Variants in ODAD2 observed in about 807,000 individuals in gnomAD.
ODAD2 encodes the protein outer dynein arm docking complex subunit 2.
A neutral mutation model predicts 106.8 loss-of-function variants in ODAD2; 89 were observed. The ratio of observed to expected loss-of-function variants is 0.83; its 90% CI spans 0.70 to 0.99. ODAD2 has a LOEUF of 0.99. Among genes scored for constraint, ODAD2 ranks in the 50% least tolerant of loss-of-function variants. The pLI is 0.00. For missense variants in ODAD2, 1,168 were observed against 1,238.5 expected, an observed-to-expected ratio of 0.94 and a Z score of 0.85; for synonymous variants, 404 against 436.2, an observed-to-expected ratio of 0.93 and a Z score of 0.92.
At position 27,958,260 on chromosome 10, in the gene ODAD2, T is replaced by C. The variant is rs566645792; in HGVS notation, c.1386+3308A>G. 3.9e-5 allele frequency among the ~76,000 whole-genome samples: 6 copies of C among 152,360 alleles called. No homozygotes were observed. The South Asian group carries it at 1.2e-3, about 32-fold the overall frequency. ...TTCATCAATATATGTTTTCTTTAGC[T>C]GTACTGGGACAGAAATAGTGCATCT... On this transcript the variant is annotated intron_variant, in intron 10 of 19. Coordinates refer to ENST00000305242, the MANE Select transcript of ODAD2 (RefSeq NM_018076.5).
At chr10:27,919,274 T>C (rs1468078065) in intron 16 of ODAD2, among the ~76,000 whole-genome samples, 1 of 152,032 alleles carries the variant, frequency 6.6e-6, no homozygotes, top group Admixed American at 6.6e-5. Context: ...TTTCATGCCA[T>C]ACTTAAAAAC....
intron 19 of ODAD2, among the ~76,000 whole-genome samples, chr10:27,858,245 G>C (rs1839795177): frequency 6.6e-6 from 1 of 152,040 alleles, no homozygotes; most frequent in Non-Finnish European, 1.5e-5. Flanking sequence ...CCAGAGAAAG[G>C]AAACACAGGT....
At chr10:27,992,642 T>A (rs143073128) in intron 2 of ODAD2, among the ~76,000 whole-genome samples, 15 of 152,228 alleles carry the variant, frequency 9.9e-5, no homozygotes, top group African/African-American at 2.9e-4. Flanking sequence ...TGAGCTATGA[T>A]CACTCCACTG....
intron 9 of ODAD2, among the ~76,000 whole-genome samples, chr10:27,961,982 A>G (rs1588618325): frequency 6.6e-6 from 1 of 152,164 alleles, no homozygotes; most frequent in African/African-American, 2.4e-5. Flanking sequence ...CAGGAGGATC[A>G]CTTCAGCCCA....
chr10:27,871,272 T>C (rs1840861532), intron 17 of ODAD2, among the ~76,000 whole-genome samples: 1 of 152,186 alleles, frequency 6.6e-6, no homozygotes, highest in Non-Finnish European at 1.5e-5. Context: ...GTCAGATGAG[T>C]AGATTGCAAA....
intron 19 of ODAD2, among the ~76,000 whole-genome samples, chr10:27,828,074 T>C (rs1837206525): frequency 6.6e-6 from 1 of 152,118 alleles, no homozygotes; most frequent in Admixed American, 6.6e-5. Flanking sequence ...GATGTCAATA[T>C]TATAGTATGC....
intron 19 of ODAD2, among the ~76,000 whole-genome samples, chr10:27,838,151 T>A (rs920621541): frequency 1.3e-5 from 2 of 152,210 alleles, no homozygotes. Flanking sequence ...TCAAGCACTG[T>A]TTACTTTTTG....
chr10:27,832,599 G>A (rs1837571160), intron 19 of ODAD2, among the ~76,000 whole-genome samples: 1 of 152,088 alleles, frequency 6.6e-6, no homozygotes, highest in South Asian at 2.1e-4. Context: ...AAAACATCCT[G>A]GAAATCTACA....
Position 27,849,709 on chromosome 10 carries a change from T to C in ODAD2, c.3021+10916A>G, listed in dbSNP as rs534147118. ...GAGAATTCTTAATTCCTACTGAAGA[T>C]AATCTGATTTTGCAAACTTCTCTAT... On this transcript the variant is annotated intron_variant, in intron 19 of 19. Coordinates refer to ENST00000305242, the MANE Select transcript of ODAD2 (RefSeq NM_018076.5). Among the ~76,000 whole-genome samples, 161 of 152,308 alleles carry C rather than the reference T, an allele frequency of 1.1e-3. 1 individual carries two copies. The highest frequency in any genetic ancestry group is 3.6e-3 in the African/African-American group (150 of 41,580).
chr10:27,906,840 ACAT>A (rs1469133808), intron 17 of ODAD2, among the ~76,000 whole-genome samples: 1 of 152,148 alleles, frequency 6.6e-6, no homozygotes. Flanking sequence ...AGGGAGGGGA[ACAT>A]CACACATCGG....
chr10:27,812,675 T>C (rs1367570469), intron 19 of ODAD2, 50 bp from the exon 20 acceptor site: 4 of 1,517,298 alleles, frequency 2.6e-6, no homozygotes, highest in South Asian at 2.6e-5. Flanking sequence ...AAAACATTAA[T>C]CTAAAGACAT....
At chr10:27,973,720 T>C (rs1849008978) in intron 7 of ODAD2, among the ~76,000 whole-genome samples, 1 of 152,238 alleles carries the variant, frequency 6.6e-6, no homozygotes, top group African/African-American at 2.4e-5. Context: ...ATGTTTTTGC[T>C]ACTGCGAATA....
chr10:27,887,259 G>C (rs915025311), intron 17 of ODAD2, among the ~76,000 whole-genome samples: 2 of 151,866 alleles, frequency 1.3e-5, no homozygotes, highest in Non-Finnish European at 2.9e-5. Context: ...ATTGTTGCAA[G>C]ACACAAGGAA....
chr10:27,966,675 T>C (rs764649778), intron 9 of ODAD2, among the ~76,000 whole-genome samples: 2 of 152,220 alleles, frequency 1.3e-5, no homozygotes, highest in African/African-American at 4.8e-5. Context: ...AGGCAAGATG[T>C]GACACAGAGA....
At chr10:27,823,140 C>A (rs1836743631) in intron 19 of ODAD2, among the ~76,000 whole-genome samples, 1 of 152,200 alleles carries the variant, frequency 6.6e-6, no homozygotes, top group African/African-American at 2.4e-5. Flanking sequence ...AAGTTTCTGC[C>A]TGCCCAGGGC....
intron 17 of ODAD2, among the ~76,000 whole-genome samples, chr10:27,877,605 T>C (rs1001507888): frequency 2.0e-5 from 3 of 152,226 alleles, no homozygotes; most frequent in African/African-American, 4.8e-5. Flanking sequence ...AGGGAGGCAG[T>C]ATATCTGAGG....
chr10:27,975,919 A>C (rs1163557788), intron 7 of ODAD2, among the ~76,000 whole-genome samples: 1 of 152,140 alleles, frequency 6.6e-6, no homozygotes, highest in African/African-American at 2.4e-5. Flanking sequence ...TAGCAAATTA[A>C]ATCTGATAAT....
At chr10:27,932,420 G>A (rs1451921765) in intron 16 of ODAD2, among the ~76,000 whole-genome samples, 6 of 152,156 alleles carry the variant, frequency 3.9e-5, no homozygotes, top group East Asian at 1.9e-4. Context: ...TAAGTTGAAC[G>A]ATCATAAGTT....
chr10:27,884,753 C>G (rs1218378639), intron 17 of ODAD2, among the ~76,000 whole-genome samples: 4 of 152,042 alleles, frequency 2.6e-5, no homozygotes, highest in African/African-American at 9.7e-5. Flanking sequence ...CCTAAGATCC[C>G]AAGAAGAAGC....
Sources: allele counts gnomAD v4.1 joint callset (sites outside exome capture counted in the v4.1 genomes callset), GRCh38; gene constraint gnomAD v4.1.1; transcripts MANE v1.5; gene names NCBI Gene and HGNC (gene_info 2026-07-23, HGNC 2026-07-21).